The following C12orf42 variants were observed in gnomAD, a reference collection of about 807,000 sequenced individuals.
C12orf42 encodes uncharacterized protein C12orf42.
C12orf42 carries 25 observed loss-of-function variants against 21.6 expected under a neutral mutation model. The ratio of observed to expected loss-of-function variants is 1.16; its 90% CI spans 0.84 to 1.62. C12orf42 has a LOEUF of 1.62. Ranked by LOEUF, C12orf42 falls within the 40% of genes most tolerant of loss-of-function variation. C12orf42 has a pLI of 0.00. For synonymous variants in C12orf42, 174 were observed against 175.0 expected (o/e 0.99, Z 0.05); for missense variants, 483 against 459.3 (o/e 1.05, Z -0.47).
At chr12:103,060,760 T>C in the C12orf42 span, among the ~76,000 whole-genome samples, 1 of 152,194 alleles carries the variant, frequency 6.6e-6, no homozygotes, top group Non-Finnish European at 1.5e-5. Flanking sequence ...CTGGGAAAAC[T>C]GGCTAGCCAT....
At chr12:103,237,365 A>G (rs2033501715), downstream of C12orf42, among the ~76,000 whole-genome samples, 1 of 152,158 alleles carries the variant, frequency 6.6e-6, no homozygotes, top group African/African-American at 2.4e-5. Context: ...GCACAGTGAC[A>G]AGATCCCAGG....
intron 2 of C12orf42, among the ~76,000 whole-genome samples, chr12:103,443,716 G>C (rs1951408567): frequency 6.6e-6 from 1 of 152,024 alleles, no homozygotes; most frequent in South Asian, 2.1e-4. Flanking sequence ...TTTCTCCACT[G>C]AGTTTAGCCA....
the C12orf42 span, among the ~76,000 whole-genome samples, chr12:103,139,814 G>A: frequency 8.5e-5 from 13 of 152,110 alleles, no homozygotes; most frequent in East Asian, 3.8e-4. Context: ...AAAATAAAAC[G>A]TAAACATGGG....
At chr12:103,218,760 AT>A in the C12orf42 span, among the ~76,000 whole-genome samples, 1 of 152,196 alleles carries the variant, frequency 6.6e-6, no homozygotes, top group Non-Finnish European at 1.5e-5. Flanking sequence ...AAGAAAAGCT[AT>A]TTGTCCTTTC....
At chr12:103,273,234 C>T (rs1451966051) in intron 5 of C12orf42, among the ~76,000 whole-genome samples, 1 of 152,024 alleles carries the variant, frequency 6.6e-6, no homozygotes, top group Non-Finnish European at 1.5e-5. Flanking sequence ...GAGGCCTTTG[C>T]CCAGGTTCAG....
At chr12:103,414,651 T>C (rs1378509620) in intron 2 of C12orf42, among the ~76,000 whole-genome samples, 2 of 152,308 alleles carry the variant, frequency 1.3e-5, no homozygotes, top group African/African-American at 2.4e-5. Flanking sequence ...ATTTTCTTTG[T>C]GGCTATTGTA....
the C12orf42 span, among the ~76,000 whole-genome samples, chr12:103,062,952 G>A: frequency 5.9e-5 from 9 of 151,984 alleles, no homozygotes; most frequent in African/African-American, 1.7e-4. Context: ...TGATTAGACC[G>A]AAAAATGCTA....
chr12:103,175,854 A>T, the C12orf42 span, among the ~76,000 whole-genome samples: 1 of 152,112 alleles, frequency 6.6e-6, no homozygotes, highest in Non-Finnish European at 1.5e-5. Flanking sequence ...ATTAATAAGT[A>T]CATACTGAGA....
chr12:103,546,655 C>A, the C12orf42 span, among the ~76,000 whole-genome samples: 1 of 152,192 alleles, frequency 6.6e-6, no homozygotes, highest in Non-Finnish European at 1.5e-5. Context: ...CTTGAAGATA[C>A]TAAAACTTAA....
chr12:103,087,152 T>C, the C12orf42 span, among the ~76,000 whole-genome samples: 5 of 152,198 alleles, frequency 3.3e-5, no homozygotes, highest in African/African-American at 4.8e-5. Context: ...GGATATGATA[T>C]GTAATGCTGG....
chr12:103,275,556 A>C (rs1227350743), intron 5 of C12orf42, among the ~76,000 whole-genome samples: 1 of 152,176 alleles, frequency 6.6e-6, no homozygotes, highest in Non-Finnish European at 1.5e-5. Flanking sequence ...AACACAGAGA[A>C]ATAAGAAAAG....
At chr12:103,329,554 T>TA (rs2041031516) in intron 4 of C12orf42, among the ~76,000 whole-genome samples, 1 of 148,360 alleles carries the variant, frequency 6.7e-6, no homozygotes, top group African/African-American at 2.6e-5. Flanking sequence ...AAATAAAAAT[T>TA]AAAATTAAAA....
chr12:103,087,495 ATACT>A, the C12orf42 span, among the ~76,000 whole-genome samples: 1 of 152,202 alleles, frequency 6.6e-6, no homozygotes, highest in Non-Finnish European at 1.5e-5. Context: ...TGAAATTTGA[ATACT>A]TAATCATTGC....
chr12:103,376,072 A>G (rs1566185731), intron 3 of C12orf42, among the ~76,000 whole-genome samples: 1 of 152,236 alleles, frequency 6.6e-6, no homozygotes, highest in African/African-American at 2.4e-5. Flanking sequence ...ATACAAGTGC[A>G]CATACATTTT....
chr12:103,222,535 G>T, the C12orf42 span, among the ~76,000 whole-genome samples: 1 of 152,214 alleles, frequency 6.6e-6, no homozygotes, highest in African/African-American at 2.4e-5. Context: ...CACAGGGGAT[G>T]CGATAGCTTG....
At chr12:103,251,542 T>C (rs1205479905) in intron 10 of C12orf42, among the ~76,000 whole-genome samples, 1 of 152,190 alleles carries the variant, frequency 6.6e-6, no homozygotes, top group East Asian at 1.9e-4. Flanking sequence ...ATTAATAGCA[T>C]GTTTTACATC....
chr12:103,294,444 A>AAGAGAGAAGGAGAGAG lies in C12orf42; in HGVS notation n.338-17235_338-17234insCTCTCTCCTTCTCTCT, dbSNP rs1555245925. Reference sequence around the variant, plus strand: ...AAGGAGAGAGAGAAAGAAAGAAAGAAAGAAAGAAAGAAAGAAAGAAAGAAA... The same window carrying AAGAGAGAAGGAGAGAG: ...AAGGAGAGAGAGAAAGAAAGAAAGAAAGAGAGAAGGAGAGAGAGAAAGAAAGAAAGAAAGAAAGAAA... On this transcript the variant is annotated intron_variant and non_coding_transcript_variant, in intron 4 of 6. Transcript: ENST00000546526. Among the ~76,000 whole-genome samples, 169 of 127,202 alleles carry AAGAGAGAAGGAGAGAG rather than the reference A, an allele frequency of 1.3e-3. 1 individual carries two copies. The highest frequency in any genetic ancestry group is 1.8e-3 in the Non-Finnish European group (114 of 62,568). 83.4% of individuals were successfully genotyped at this position (127,202 alleles called of 152,430 possible).
intron 2 of C12orf42, among the ~76,000 whole-genome samples, chr12:103,414,286 C>G (rs116990710): frequency 0.014 from 2,109 of 152,040 alleles, 21 homozygotes; most frequent in Non-Finnish European, 0.022. Context: ...ATATCTTCTT[C>G]TGAGAACTGT....
At chr12:103,163,787 G>C in the C12orf42 span, among the ~76,000 whole-genome samples, 1 of 152,174 alleles carries the variant, frequency 6.6e-6, no homozygotes, top group Admixed American at 6.6e-5. Flanking sequence ...TTAGCTCTCT[G>C]AGCCTCAGTT....
Sources: gnomAD v4.1 joint callset for allele counts (sites outside exome capture counted in the v4.1 genomes callset) on GRCh38, gnomAD v4.1.1 for gene constraint, MANE v1.5 for transcripts, NCBI Gene and HGNC (gene_info 2026-07-23, HGNC 2026-07-21) for gene names.